Variants in TOP6BL observed in about 807,000 individuals in gnomAD.
TOP6BL encodes the protein TOP6B like initiator of meiotic double strand breaks.
the TOP6BL span, chr11:66,816,263 T>G: frequency 6.7e-7 from 1 of 1,496,590 alleles, no homozygotes; most frequent in Admixed American, 2.0e-5. Context: ...AGGGAAACTT[T>G]GTGTAATGCA....
At chr11:66,821,714 A>G in the TOP6BL span, 45 of 1,613,342 alleles carry the variant, frequency 2.8e-5, no homozygotes, top group African/African-American at 6.0e-4. Context: ...GCAAGGTTCC[A>G]TCCAATTCAC....
the TOP6BL span, among the ~76,000 whole-genome samples, chr11:66,839,565 T>C: frequency 6.6e-6 from 1 of 152,246 alleles, no homozygotes; most frequent in Non-Finnish European, 1.5e-5. Flanking sequence ...CATACGCGTT[T>C]ATGCTTAGGC....
At chr11:66,843,335 G>GC in the TOP6BL span, 5 of 1,490,136 alleles carry the variant, frequency 3.4e-6, no homozygotes, top group Admixed American at 7.0e-5. Flanking sequence ...GTCCTCTTCC[G>GC]CGTCTGCTTC....
chr11:66,826,141 G>A, the TOP6BL span, among the ~76,000 whole-genome samples: 2 of 151,894 alleles, frequency 1.3e-5, no homozygotes, highest in African/African-American at 4.8e-5. Flanking sequence ...CCACGCCCTG[G>A]CCTGCTTCAT....
the TOP6BL span, chr11:66,815,777 A>T: frequency 3.4e-6 from 1 of 292,186 alleles, no homozygotes; most frequent in Non-Finnish European, 6.4e-6. Flanking sequence ...CAAGGAATCA[A>T]TGAATTTATT....
At chr11:66,786,679 G>A in the TOP6BL span, among the ~76,000 whole-genome samples, 1 of 152,062 alleles carries the variant, frequency 6.6e-6, no homozygotes, top group Non-Finnish European at 1.5e-5. Context: ...TAGGATTCAG[G>A]TACAATTTTT....
At chr11:66,786,297 TAAAAA>T in the TOP6BL span, among the ~76,000 whole-genome samples, 2 of 144,870 alleles carry the variant, frequency 1.4e-5, no homozygotes, top group Non-Finnish European at 3.0e-5. Flanking sequence ...AACTCTGTCT[TAAAAA>T]AAAAAAAAAA....
At chr11:66,843,136 A>G in the TOP6BL span, 4 of 1,608,522 alleles carry the variant, frequency 2.5e-6, no homozygotes, top group South Asian at 3.3e-5. Flanking sequence ...CGCTGCTGAG[A>G]GGTCCTCACC....
At chr11:66,761,835 T>G in the TOP6BL span, 1 of 885,684 alleles carries the variant, frequency 1.1e-6, no homozygotes, top group South Asian at 1.3e-5. Flanking sequence ...AGCCTCCTCT[T>G]CTTGTCCAGC....
At chr11:66,832,711 C>T in the TOP6BL span, among the ~76,000 whole-genome samples, 1 of 152,242 alleles carries the variant, frequency 6.6e-6, no homozygotes, top group South Asian at 2.1e-4. Flanking sequence ...CAGTTTCCCT[C>T]GGACTTGGAA....
chr11:66,768,479 A>G, the TOP6BL span, among the ~76,000 whole-genome samples: 4 of 151,984 alleles, frequency 2.6e-5, no homozygotes, highest in Admixed American at 2.6e-4. Flanking sequence ...AGCCTCATAT[A>G]CTAAGAAGGG....
the TOP6BL span, among the ~76,000 whole-genome samples, chr11:66,811,035 C>A: frequency 2.6e-5 from 4 of 152,056 alleles, no homozygotes; most frequent in African/African-American, 7.2e-5. Context: ...CTCACTGCAG[C>A]CTTGAACTCC....
At chr11:66,759,977 C>G in the TOP6BL span, among the ~76,000 whole-genome samples, 10 of 152,148 alleles carry the variant, frequency 6.6e-5, no homozygotes, top group Non-Finnish European at 1.3e-4. Context: ...AGAACTCTTA[C>G]GCTTTCATTT....
chr11:66,830,936 G>A, the TOP6BL span, among the ~76,000 whole-genome samples: 5 of 152,060 alleles, frequency 3.3e-5, no homozygotes, highest in South Asian at 4.2e-4. Flanking sequence ...AACACAACTC[G>A]GTTTTTTTAA....
At chr11:66,789,445 A>C in the TOP6BL span, among the ~76,000 whole-genome samples, 35 of 152,232 alleles carry the variant, frequency 2.3e-4, no homozygotes, top group Admixed American at 1.3e-3. Flanking sequence ...GCCTTTCTCC[A>C]TGTTTGAATA....
the TOP6BL span, among the ~76,000 whole-genome samples, chr11:66,831,516 T>G: frequency 6.6e-6 from 1 of 152,202 alleles, no homozygotes; most frequent in Non-Finnish European, 1.5e-5. Context: ...ACATACTGTT[T>G]GATTGCACTT....
the TOP6BL span, among the ~76,000 whole-genome samples, chr11:66,751,647 AT>A: frequency 6.6e-6 from 1 of 151,904 alleles, no homozygotes; most frequent in Non-Finnish European, 1.5e-5. Context: ...CTAAATTGTT[AT>A]ATCTTAATTT....
chr11:66,843,483 C>G, the TOP6BL span: 13 of 1,468,840 alleles, frequency 8.9e-6, no homozygotes, highest in Non-Finnish European at 1.2e-5. Flanking sequence ...GGATGGGCTG[C>G]GACTGCTGTC....
At chr11:66,795,682 A>G in the TOP6BL span, among the ~76,000 whole-genome samples, 2 of 152,114 alleles carry the variant, frequency 1.3e-5, no homozygotes, top group East Asian at 3.9e-4. Flanking sequence ...GCAGATTAGG[A>G]AATGAGGTCC....
Sources: allele counts gnomAD v4.1 joint callset (sites outside exome capture counted in the v4.1 genomes callset), GRCh38; gene constraint gnomAD v4.1.1; transcripts MANE v1.5; gene names NCBI Gene and HGNC (gene_info 2026-07-23, HGNC 2026-07-21).